Variants in EPHA3 observed in about 807,000 individuals in gnomAD.
EPHA3 encodes the protein ephrin type-A receptor 3.
EPHA3 carries 42 observed loss-of-function variants against 107.1 expected under a neutral mutation model. That is an observed-to-expected ratio of 0.39 (90% CI 0.31 to 0.51). The LOEUF (loss-of-function observed/expected upper bound fraction) is 0.51, where lower values mean the gene tolerates loss of function less well. Ranked by LOEUF, EPHA3 falls within the 20% of genes least tolerant of loss-of-function variation. The pLI, the probability that EPHA3 is intolerant of heterozygous loss-of-function variation, is 0.78. For synonymous variants in EPHA3, 461 were observed against 424.8 expected (o/e 1.09, Z -1.05); for missense variants, 1,183 against 1,211.2 (o/e 0.98, Z 0.35).
At chr3:89,307,655 C>T (rs1420243077) in intron 3 of EPHA3, among the ~76,000 whole-genome samples, 1 of 152,052 alleles carries the variant, frequency 6.6e-6, no homozygotes, top group Non-Finnish European at 1.5e-5. Flanking sequence ...CTCAACATCC[C>T]AGGCTTCTAC....
chr3:89,166,620 T>C (rs904530011), intron 2 of EPHA3, among the ~76,000 whole-genome samples: 2 of 152,194 alleles, frequency 1.3e-5, no homozygotes, highest in Non-Finnish European at 2.9e-5. Context: ...TTTCTCCCTT[T>C]CTCTCCCAAA....
intron 3 of EPHA3, among the ~76,000 whole-genome samples, chr3:89,314,388 A>AT (rs894607736): frequency 1.3e-4 from 20 of 151,406 alleles, no homozygotes; most frequent in African/African-American, 2.9e-4. Context: ...GGCAAATAAG[A>AT]TTTTTTTTTC....
Position 89,479,666 on chromosome 3 carries a change from A to AT in EPHA3, c.*168dup. On this transcript the variant is annotated 3_prime_UTR_variant, in exon 17 of 17. Transcript: ENST00000336596. Reference sequence around the variant, plus strand: ...TTAAAATGGAATTGAAAAACTCTTTATTTTCCCCTATCATTTATTGGATGG... The same window carrying AT: ...TTAAAATGGAATTGAAAAACTCTTTATTTTTCCCCTATCATTTATTGGATGG... 1.8e-6 allele frequency: 1 copy of AT among 546,752 alleles called. No individual in the cohort carries two copies. The highest frequency in any genetic ancestry group is 3.1e-5 in the South Asian group (1 of 32,302). The allele number at this position is 546,752 out of a possible 1,614,324, so 33.9% of individuals were successfully genotyped here. A position where few individuals can be genotyped will look rare whatever the true frequency, so the allele number is the denominator to read the frequency against.
chr3:89,186,700 G>GT (rs35499098), intron 2 of EPHA3, among the ~76,000 whole-genome samples: 4 of 152,182 alleles, frequency 2.6e-5, no homozygotes, highest in Admixed American at 6.5e-5. Context: ...GCTTTTTACA[G>GT]TTTTTTTCGG....
At chr3:89,284,889 G>T (rs573690597) in intron 3 of EPHA3, among the ~76,000 whole-genome samples, 2 of 152,202 alleles carry the variant, frequency 1.3e-5, no homozygotes, top group Admixed American at 6.5e-5. Flanking sequence ...CACTTTGGGA[G>T]GCTGAGGAGG....
chr3:89,375,763 A>G (rs1260039657), intron 5 of EPHA3, among the ~76,000 whole-genome samples: 1 of 151,958 alleles, frequency 6.6e-6, no homozygotes, highest in Non-Finnish European at 1.5e-5. Flanking sequence ...CCAAAGGGAT[A>G]TTGTACAGAC....
At chr3:89,129,173 T>C (rs1163230171) in intron 2 of EPHA3, among the ~76,000 whole-genome samples, 1 of 152,174 alleles carries the variant, frequency 6.6e-6, no homozygotes, top group Non-Finnish European at 1.5e-5. Flanking sequence ...TCTGGCCCAA[T>C]TTACTGTCTC....
chr3:89,283,262 A>G (rs1368119312), intron 3 of EPHA3, among the ~76,000 whole-genome samples: 1 of 152,128 alleles, frequency 6.6e-6, no homozygotes, highest in Non-Finnish European at 1.5e-5. Context: ...GCCCTTGTGT[A>G]ACTGAAACGT....
chr3:89,366,885 G>C (rs1221438608), intron 5 of EPHA3, among the ~76,000 whole-genome samples: 1 of 150,622 alleles, frequency 6.6e-6, no homozygotes, highest in Non-Finnish European at 1.5e-5. Context: ...AAATGTATTG[G>C]ATATTTTTAA....
chr3:89,429,018 C>CTTACAT, intron 11 of EPHA3, 88 bp from the exon 12 acceptor site: 1 of 832,006 alleles, frequency 1.2e-6, no homozygotes, highest in South Asian at 2.7e-5. Flanking sequence ...TCTCTATAAT[C>CTTACAT]CTCAGGTAAA....
chr3:89,202,159 G>A (rs2107162487), intron 2 of EPHA3, among the ~76,000 whole-genome samples: 1 of 151,856 alleles, frequency 6.6e-6, no homozygotes, highest in Non-Finnish European at 1.5e-5. Context: ...TCTACTGTAT[G>A]TGTTATGCCT....
chr3:89,344,377 A>T (rs1407565992), intron 5 of EPHA3, among the ~76,000 whole-genome samples: 1 of 152,082 alleles, frequency 6.6e-6, no homozygotes, highest in African/African-American at 2.4e-5. Flanking sequence ...GAAGTTACTT[A>T]CCCTAGTCTC....
chr3:89,283,480 T>C (rs1332313973), intron 3 of EPHA3, among the ~76,000 whole-genome samples: 1 of 152,134 alleles, frequency 6.6e-6, no homozygotes, highest in Non-Finnish European at 1.5e-5. Context: ...AGAAAACTTC[T>C]GGCTAATTTT....
At chr3:89,216,838 G>A (rs776328950) in intron 3 of EPHA3, among the ~76,000 whole-genome samples, 1 of 152,044 alleles carries the variant, frequency 6.6e-6, no homozygotes, top group Non-Finnish European at 1.5e-5. Flanking sequence ...AATGATTATT[G>A]ATATTTCATT....
At chr3:89,252,232 T>C (rs1157856854) in intron 3 of EPHA3, among the ~76,000 whole-genome samples, 1 of 152,200 alleles carries the variant, frequency 6.6e-6, no homozygotes, top group African/African-American at 2.4e-5. Context: ...TAATGTTTCA[T>C]TGAATTCTTT....
rs190961913 is a variant in EPHA3 at position 89,226,852 on chromosome 3, G to C, written c.814+16332G>C. Among the ~76,000 whole-genome samples, 225 of 152,146 alleles carry C rather than the reference G, an allele frequency of 1.5e-3. 2 individuals carry two copies. Among genetic ancestry groups the C allele is most frequent in the Middle Eastern group, 6.8e-3 (2 of 294 alleles). Reference sequence around the variant, plus strand: ...CAAATGTCATGACGTTTGAAGCTTAGGCATGATTACTGAGACTTAATCACA... The same window carrying C: ...CAAATGTCATGACGTTTGAAGCTTACGCATGATTACTGAGACTTAATCACA... On this transcript the variant is annotated intron_variant, in intron 3 of 16. Coordinates refer to ENST00000336596, the MANE Select transcript of EPHA3 (RefSeq NM_005233.6).
At chr3:89,302,002 A>G (rs1706503374) in intron 3 of EPHA3, among the ~76,000 whole-genome samples, 2 of 152,202 alleles carry the variant, frequency 1.3e-5, no homozygotes, top group African/African-American at 4.8e-5. Context: ...TCACTGCCTT[A>G]GAAAAGTTAT....
chr3:89,355,195 A>T (rs1707919136), intron 5 of EPHA3, among the ~76,000 whole-genome samples: 1 of 151,288 alleles, frequency 6.6e-6, no homozygotes, highest in Non-Finnish European at 1.5e-5. Flanking sequence ...GTGCCTGAGT[A>T]AGAAGAGTTC....
chr3:89,175,085 T>G lies in EPHA3; in HGVS notation c.154-34775T>G, dbSNP rs192444395. On this transcript the variant is annotated intron_variant, in intron 2 of 16. Transcript: ENST00000336596. ...AGTGATAGCATTTTTTTTTTTTTTT[T>G]GTAATCTGGCCTTGAAACTTTCACC... Among the ~76,000 whole-genome samples, 1,249 of 149,830 alleles carry G rather than the reference T, an allele frequency of 8.3e-3. 6 individuals carry two copies. The highest frequency in any genetic ancestry group is 0.013 in the Non-Finnish European group (904 of 67,718).
Sources: allele counts gnomAD v4.1 joint callset (sites outside exome capture counted in the v4.1 genomes callset), GRCh38; gene constraint gnomAD v4.1.1; transcripts MANE v1.5; gene names NCBI Gene and HGNC (gene_info 2026-07-23, HGNC 2026-07-21).